Variants in SEMA6A observed in about 807,000 individuals in gnomAD.
The protein encoded by SEMA6A is semaphorin-6A.
Under a neutral mutation model 96.8 loss-of-function variants are expected in SEMA6A, and 25 were observed. The ratio of observed to expected loss-of-function variants is 0.26; its 90% CI spans 0.19 to 0.36. The LOEUF is 0.36. Ranked by LOEUF, SEMA6A falls within the 10% of genes least tolerant of loss-of-function variation. SEMA6A has a pLI of 1.00. For missense variants in SEMA6A, 1,363 were observed against 1,323.1 expected (o/e 1.03, Z -0.47); for synonymous variants, 612 against 518.0 (o/e 1.18, Z -2.46).
At chr5:116,544,821 T>C (rs1017614016) in intron 1 of SEMA6A, among the ~76,000 whole-genome samples, 6 of 152,236 alleles carry the variant, frequency 3.9e-5, no homozygotes, top group Non-Finnish European at 8.8e-5. Flanking sequence ...CTGTTAAATA[T>C]AGTGAACCCC....
intron 1 of SEMA6A, among the ~76,000 whole-genome samples, chr5:116,512,226 G>A (rs1389614191): frequency 6.6e-6 from 1 of 152,152 alleles, no homozygotes; most frequent in Non-Finnish European, 1.5e-5. Context: ...CATTGATCCT[G>A]TTTGAAACCT....
rs769577058 is a variant in SEMA6A, at chr5:116,502,281, G to T, written c.147C>A (p.Asn49Lys). 6.2e-7 allele frequency: 1 copy of T among 1,613,844 alleles called. No homozygotes were observed. The highest frequency in any genetic ancestry group is 1.3e-5 in the African/African-American group (1 of 74,918). Residue 49 changes from asparagine (N) to lysine (K), a missense_variant, in exon 3 of 19, where the codon AAC becomes AAA. Coordinates refer to ENST00000343348, the MANE Select transcript of SEMA6A (RefSeq NM_020796.5). ...TGTCCAGCCTGTGCCTCTGTGTGGTGTTCCGTCCTGGCTTGTGGCCCACAA... is the reference window on the plus strand; with the variant it reads ...TGTCCAGCCTGTGCCTCTGTGTGGTTTTCCGTCCTGGCTTGTGGCCCACAA... ...PVFVGHKPGR[N>K]TTQRHRLDIQ... is the part of the protein sequence containing the mutation.
chr5:116,557,497 T>A (rs565982250), intron 1 of SEMA6A, among the ~76,000 whole-genome samples: 3 of 152,386 alleles, frequency 2.0e-5, no homozygotes, highest in African/African-American at 7.2e-5. Context: ...ATACTTATAA[T>A]TTTTATTTAA....
chr5:116,541,653 C>T (rs1436354057), intron 1 of SEMA6A, among the ~76,000 whole-genome samples: 2 of 152,006 alleles, frequency 1.3e-5, no homozygotes, highest in East Asian at 1.9e-4. Context: ...GCCAACATGG[C>T]GCAACCCCAT....
chr5:116,488,049 C>G (rs1757143082), intron 9 of SEMA6A, 59 bp downstream of exon 9: 2 of 1,114,322 alleles, frequency 1.8e-6, no homozygotes, highest in Middle Eastern at 2.0e-4. Flanking sequence ...AACATTTGAC[C>G]AAAGGTGTGG....
In SEMA6A at chr5:116,446,516, G is replaced by A. The variant is rs1033466814; in HGVS notation, c.*97C>T. 9.4e-6 allele frequency: 10 copies of A among 1,060,128 alleles called. No individual in the cohort carries two copies. The highest frequency in any genetic ancestry group is 4.6e-4 in the Middle Eastern group (2 of 4,354). 65.7% of individuals were successfully genotyped at this position (1,060,128 alleles called of 1,614,324 possible). A position where few individuals can be genotyped will look rare whatever the true frequency, so the allele number is the denominator to read the frequency against. On this transcript the variant is annotated 3_prime_UTR_variant, in exon 19 of 19. Transcript: ENST00000343348. The stretch of plus-strand genomic sequence containing the variant: ...CCTCGGCTCTGCCGCAGGCCTTCTT[G>A]GTCTGGTGGGTACTCGAGGCAGTTG...
chr5:116,469,477 C>T (rs1755977236), intron 17 of SEMA6A: 2 of 151,970 alleles, frequency 1.3e-5, no homozygotes, highest in Admixed American at 6.6e-5. Flanking sequence ...TTCAAGACTA[C>T]TTTAATAAAA....
chr5:116,542,468 G>T (rs1210821131), intron 1 of SEMA6A, among the ~76,000 whole-genome samples: 2 of 152,014 alleles, frequency 1.3e-5, no homozygotes, highest in Non-Finnish European at 2.9e-5. Flanking sequence ...CTGTCCCTTT[G>T]TCTTTCATTA....
intron 1 of SEMA6A, among the ~76,000 whole-genome samples, chr5:116,555,100 T>C (rs978408860): frequency 2.0e-5 from 3 of 152,172 alleles, no homozygotes; most frequent in African/African-American, 4.8e-5. Flanking sequence ...GTTCCCATTA[T>C]CCAGCTCCAG....
chr5:116,483,439 C>T lies in SEMA6A; in HGVS notation c.963-864G>A, dbSNP rs10519470. 9.1e-3 allele frequency among the ~76,000 whole-genome samples: 1,390 copies of T among 152,258 alleles called. 52 individuals carry two copies. The highest frequency in any genetic ancestry group is 0.052 in the Admixed American group (798 of 15,288). The stretch of plus-strand genomic sequence containing the variant: ...CAGGCTTTGAGATAGTGGGTCATTA[C>T]ATGGCAAGAGCGCCCAGGACAAGAG... On this transcript the variant is annotated intron_variant, in intron 10 of 18. Transcript: ENST00000343348.
intron 1 of SEMA6A, among the ~76,000 whole-genome samples, chr5:116,544,201 A>G (rs1166771029): frequency 6.6e-6 from 1 of 152,174 alleles, no homozygotes; most frequent in African/African-American, 2.4e-5. Context: ...TGGATGCAGC[A>G]CTGCTTGGAT....
At chr5:116,518,571 AAG>A (rs1561512420) in intron 1 of SEMA6A, among the ~76,000 whole-genome samples, 1 of 152,204 alleles carries the variant, frequency 6.6e-6, no homozygotes, top group Non-Finnish European at 1.5e-5. Flanking sequence ...GGTCAGACAA[AAG>A]AGAGGTGATA....
At chr5:116,566,274 A>T in intron 1 of SEMA6A, among the ~76,000 whole-genome samples, 1 of 152,194 alleles carries the variant, frequency 6.6e-6, no homozygotes, top group East Asian at 1.9e-4. Context: ...CTTCTGCTAA[A>T]TTTTTTTAAT....
rs765284297 is a variant in SEMA6A at position 116,447,067 on chromosome 5, T to C, written c.2639A>G (p.Lys880Arg). Residue 880 changes from lysine (K) to arginine (R), a missense_variant, in exon 19 of 19, where the codon AAA (lysine) becomes AGA (arginine). Lys to Arg is a conservative substitution (Grantham distance 26). This residue lies in a region of SEMA6A where 883 missense variants were observed against 763.6 expected (regional missense o/e 1.16). Transcript: ENST00000343348. ...LVENLDSLPP[K>R]VPQREASLGP... ...CAGGGAGGCCTCCCGCTGTGGAACT[T>C]TGGGGGGCAGGCTGTCCAGGTTCTC... is the stretch of plus-strand genomic sequence containing the variant. 24 of 1,613,600 alleles carry C rather than the reference T, an allele frequency of 1.5e-5. No individual in the cohort carries two copies. The highest frequency in any genetic ancestry group is 4.5e-5 in the East Asian group (2 of 44,816).
intron 3 of SEMA6A, among the ~76,000 whole-genome samples, chr5:116,501,465 C>T (rs185684252): frequency 4.6e-5 from 7 of 152,096 alleles, no homozygotes; most frequent in Admixed American, 2.0e-4. Context: ...TTGTCATTGC[C>T]GTTCTTTCAA....
At chr5:116,464,941 G>T (rs1755638111) in intron 18 of SEMA6A, among the ~76,000 whole-genome samples, 1 of 152,142 alleles carries the variant, frequency 6.6e-6, no homozygotes, top group African/African-American at 2.4e-5. Context: ...ACTCCTCAGT[G>T]AGCTGGTCAG....
At chr5:116,478,492 A>G (rs755416207) in intron 13 of SEMA6A, 50 bp downstream of exon 13, 4 of 1,511,830 alleles carry the variant, frequency 2.6e-6, no homozygotes, top group East Asian at 2.4e-5. Context: ...GAAAGGGGCC[A>G]TAATAGCATA....
At chr5:116,499,589 G>A (rs989576349) in intron 3 of SEMA6A, among the ~76,000 whole-genome samples, 8 of 152,184 alleles carry the variant, frequency 5.3e-5, no homozygotes, top group Non-Finnish European at 1.2e-4. Context: ...TCCTAAATAT[G>A]GTGGGCATGG....
chr5:116,496,596 T>C (rs1279741237), intron 4 of SEMA6A, among the ~76,000 whole-genome samples: 2 of 152,194 alleles, frequency 1.3e-5, no homozygotes, highest in African/African-American at 2.4e-5. Flanking sequence ...GTGTGGAAAT[T>C]TTTCATAAAC....
Sources: allele counts gnomAD v4.1 joint callset (sites outside exome capture counted in the v4.1 genomes callset), GRCh38; gene constraint gnomAD v4.1.1; regional missense constraint gnomAD v4.1.1; transcripts MANE v1.5; gene names NCBI Gene and HGNC (gene_info 2026-07-23, HGNC 2026-07-21).